The following MGAT4C variants were observed in gnomAD, a reference collection of about 807,000 sequenced individuals.
The protein encoded by MGAT4C is alpha-1,3-mannosyl-glycoprotein 4-beta-N-acetylglucosaminyltransferase C.
A neutral mutation model predicts 40.1 loss-of-function variants in MGAT4C; 19 were observed. The ratio of observed to expected loss-of-function variants is 0.47; its 90% CI spans 0.33 to 0.70. The LOEUF (loss-of-function observed/expected upper bound fraction) is 0.70, where lower values mean the gene tolerates loss of function less well. Ranked by LOEUF, MGAT4C falls within the 30% of genes least tolerant of loss-of-function variation. The probability of loss-of-function intolerance (pLI) is 0.02; values close to 1 mark genes in which losing one functional copy is unlikely to be tolerated. For missense variants in MGAT4C, 491 were observed against 563.2 expected, an observed-to-expected ratio of 0.87 and a Z score of 1.30; for synonymous variants, 181 against 187.1, an observed-to-expected ratio of 0.97 and a Z score of 0.27.
At chr12:86,254,744 T>G (rs966375245) in intron 1 of MGAT4C, among the ~76,000 whole-genome samples, 4 of 152,080 alleles carry the variant, frequency 2.6e-5, no homozygotes, top group Non-Finnish European at 4.4e-5. Flanking sequence ...AAATTGACTC[T>G]AGATGTATAT....
chr12:86,370,304 C>T (rs568351986), intron 3 of MGAT4C, among the ~76,000 whole-genome samples: 1 of 152,060 alleles, frequency 6.6e-6, no homozygotes, highest in African/African-American at 2.4e-5. Flanking sequence ...AAGTCTCCTA[C>T]CAGGAAGTGA....
In MGAT4C at chr12:86,720,259, G is replaced by A. The variant is rs375451333; in HGVS notation, c.-229+6950C>T. On this transcript the variant is annotated intron_variant, in intron 2 of 7. Transcript: ENST00000548651. The stretch of plus-strand genomic sequence containing the variant: ...GGATTTCTTGGTAGCTAAAGTCTCC[G>A]AAATCATGTGTTCCAAGAGAGACCT... Among the ~76,000 whole-genome samples the A allele has an allele frequency of 4.6e-5, 7 of 151,820 alleles. 1 individual carries two copies. Among genetic ancestry groups the A allele is most frequent in the Non-Finnish European group, 1.5e-5 (1 of 67,942 alleles).
chr12:86,550,130 G>T (rs914527455), intron 2 of MGAT4C, among the ~76,000 whole-genome samples: 1 of 152,056 alleles, frequency 6.6e-6, no homozygotes, highest in Non-Finnish European at 1.5e-5. Flanking sequence ...TCTCTTTCCT[G>T]CTGCCTCGTG....
chr12:86,711,035 C>A (rs558199163), intron 2 of MGAT4C, among the ~76,000 whole-genome samples: 4 of 151,706 alleles, frequency 2.6e-5, no homozygotes, highest in East Asian at 1.9e-4. Context: ...GACTTAGATG[C>A]GGAAGGGTGG....
At chr12:86,386,462 C>T (rs1956054401) in intron 3 of MGAT4C, among the ~76,000 whole-genome samples, 1 of 152,178 alleles carries the variant, frequency 6.6e-6, no homozygotes, top group African/African-American at 2.4e-5. Flanking sequence ...ATAAGCTTCC[C>T]TTGTCTTATA....
intron 1 of MGAT4C, among the ~76,000 whole-genome samples, chr12:86,215,748 T>C (rs1950647214): frequency 6.6e-6 from 1 of 152,134 alleles, no homozygotes; most frequent in Non-Finnish European, 1.5e-5. Flanking sequence ...TTGTCTAGTG[T>C]TTTCTTTTAA....
chr12:86,037,213 G>A lies in MGAT4C; in HGVS notation c.-7+12461C>T, dbSNP rs892481259. 1.2e-4 allele frequency among the ~76,000 whole-genome samples: 18 copies of A among 149,276 alleles called. 2 individuals carry two copies. Among genetic ancestry groups the A allele is most frequent in the Admixed American group, 5.4e-4 (8 of 14,860 alleles). ...TTATTAGTCTGGCTAGCAGTCTATC[G>A]ATTTCGTTGATCTTTTCAAAAATCC... On this transcript the variant is annotated intron_variant, in intron 2 of 4. Transcript: ENST00000611864.
intron 2 of MGAT4C, among the ~76,000 whole-genome samples, chr12:86,550,330 C>G (rs1274318088): frequency 6.6e-6 from 1 of 152,190 alleles, no homozygotes; most frequent in African/African-American, 2.4e-5. Flanking sequence ...CATTGCCACT[C>G]CAAACACTTA....
At chr12:86,150,015 A>T (rs1244224711) in intron 1 of MGAT4C, among the ~76,000 whole-genome samples, 1 of 152,180 alleles carries the variant, frequency 6.6e-6, no homozygotes, top group Non-Finnish European at 1.5e-5. Context: ...GACCGGTTTC[A>T]TGGGAGACAA....
At chr12:85,980,992 G>A (rs904691795) in intron 4 of MGAT4C, among the ~76,000 whole-genome samples, 1 of 151,952 alleles carries the variant, frequency 6.6e-6, no homozygotes, top group African/African-American at 2.4e-5. Flanking sequence ...CTGTCATTAT[G>A]TTGTACTAGA....
intron 1 of MGAT4C, among the ~76,000 whole-genome samples, chr12:86,235,060 A>G (rs186187242): frequency 3.0e-4 from 46 of 152,162 alleles, no homozygotes; most frequent in African/African-American, 1.1e-3. Flanking sequence ...TTACTTATAA[A>G]ACAAACAAAA....
chr12:86,349,004 T>G (rs11830208), intron 3 of MGAT4C, among the ~76,000 whole-genome samples: 29,549 of 152,092 alleles, frequency 0.19, 3,585 homozygotes, highest in African/African-American at 0.33. Flanking sequence ...TGACTAAAAT[T>G]AAGCATTTTG....
chr12:86,145,022 A>G (rs1566047451), intron 1 of MGAT4C, among the ~76,000 whole-genome samples: 1 of 152,168 alleles, frequency 6.6e-6, no homozygotes, highest in Admixed American at 6.5e-5. Flanking sequence ...TGCTGCACTA[A>G]AGTAAATCAA....
At chr12:86,388,162 A>G (rs1168905890) in intron 3 of MGAT4C, among the ~76,000 whole-genome samples, 1 of 152,180 alleles carries the variant, frequency 6.6e-6, no homozygotes, top group African/African-American at 2.4e-5. Context: ...TATTAATAGA[A>G]TAGAGTTCTC....
intron 2 of MGAT4C, among the ~76,000 whole-genome samples, chr12:86,458,154 T>C (rs995516691): frequency 1.3e-5 from 2 of 152,166 alleles, no homozygotes; most frequent in South Asian, 2.1e-4. Context: ...TAAAGTATTT[T>C]AGCAGCTACC....
chr12:86,805,825 T>C (rs775718192), intron 1 of MGAT4C, among the ~76,000 whole-genome samples: 6 of 152,064 alleles, frequency 3.9e-5, no homozygotes, highest in Non-Finnish European at 7.4e-5. Flanking sequence ...CTTAACTAAT[T>C]TACCTTCCCA....
intron 2 of MGAT4C, among the ~76,000 whole-genome samples, chr12:86,508,475 T>C (rs904817126): frequency 5.1e-4 from 78 of 152,286 alleles, no homozygotes; most frequent in African/African-American, 1.7e-3. Context: ...ACATTTGGGT[T>C]GGTTCCAAGT....
chr12:86,292,694 C>G (rs1187175057), intron 4 of MGAT4C, among the ~76,000 whole-genome samples: 1 of 152,104 alleles, frequency 6.6e-6, no homozygotes, highest in Non-Finnish European at 1.5e-5. Context: ...TTCTATTTGA[C>G]CTTAATTGGT....
In MGAT4C at chr12:86,705,320, TATA is replaced by T. The variant is rs1440673170; in HGVS notation, c.-229+21886_-229+21888del. ...AATGCTTAAATGAAATACAATTGGT[TATA>T]ATATTTGCTACTAAGAGGCTGGGTT... is the stretch of plus-strand genomic sequence containing the variant. On this transcript the variant is annotated intron_variant, in intron 2 of 7. Transcript: ENST00000548651. 2.6e-5 allele frequency among the ~76,000 whole-genome samples: 4 copies of T among 152,070 alleles called. No individual in the cohort carries two copies. In the South Asian group the frequency reaches 8.3e-4, roughly 31 times the overall value.
Sources: gnomAD v4.1 joint callset for allele counts (sites outside exome capture counted in the v4.1 genomes callset) on GRCh38, gnomAD v4.1.1 for gene constraint, MANE v1.5 for transcripts, NCBI Gene and HGNC (gene_info 2026-07-23, HGNC 2026-07-21) for gene names.